The following SNX30 variants were observed in gnomAD, a reference collection of about 807,000 sequenced individuals.
The protein encoded by SNX30 is sorting nexin family member 30.
A neutral mutation model predicts 46.4 loss-of-function variants in SNX30; 24 were observed. The observed-to-expected ratio is 0.52, with a 90% CI of 0.37 to 0.73. SNX30 has a LOEUF of 0.73. Among genes scored for constraint, SNX30 ranks in the 30% least tolerant of loss-of-function variants. SNX30 has a pLI of 0.00. For synonymous variants in SNX30, 189 were observed against 211.5 expected (o/e 0.89, Z 0.92); for missense variants, 533 against 555.7 (o/e 0.96, Z 0.41).
intron 1 of SNX30, among the ~76,000 whole-genome samples, chr9:112,791,635 C>T (rs1840025664): frequency 6.6e-6 from 1 of 151,898 alleles, no homozygotes; most frequent in Non-Finnish European, 1.5e-5. Context: ...TGGTTTCAAT[C>T]TTTGACCTCG....
downstream of SNX30, chr9:112,885,392 T>C (rs1286886068): frequency 6.6e-6 from 1 of 151,434 alleles, no homozygotes; most frequent in African/African-American, 2.4e-5. Context: ...CAAATCTATA[T>C]CAAATCCTGT....
intron 1 of SNX30, among the ~76,000 whole-genome samples, chr9:112,758,921 A>G (rs538290069): frequency 1.3e-5 from 2 of 152,204 alleles, no homozygotes; most frequent in South Asian, 4.2e-4. Context: ...CCCGGGCAAT[A>G]TAGTGAGAAC....
intron 4 of SNX30, among the ~76,000 whole-genome samples, chr9:112,834,859 CACACACACACACACACACACACA>C (rs752512760): frequency 3.5e-5 from 5 of 144,578 alleles, no homozygotes; most frequent in Non-Finnish European, 4.5e-5. Flanking sequence ...CACACACACA[CACACACACACACACACACACACA>C]CCTACCTCAA....
At chr9:112,797,230 C>T (rs1840120868) in intron 1 of SNX30, among the ~76,000 whole-genome samples, 1 of 152,174 alleles carries the variant, frequency 6.6e-6, no homozygotes, top group Non-Finnish European at 1.5e-5. Flanking sequence ...GGCTTCTTAC[C>T]AAGACCAAAG....
At chr9:112,814,184 G>A (rs2131416248) in intron 2 of SNX30, among the ~76,000 whole-genome samples, 1 of 152,308 alleles carries the variant, frequency 6.6e-6, no homozygotes, top group East Asian at 1.9e-4. Context: ...ATTATGATAG[G>A]CAAATGGTAA....
chr9:112,773,243 A>G (rs1489764189), intron 1 of SNX30, among the ~76,000 whole-genome samples: 1 of 152,192 alleles, frequency 6.6e-6, no homozygotes, highest in African/African-American at 2.4e-5. Flanking sequence ...TCCCATCCAT[A>G]AAATGGGGTT....
chr9:112,754,564 C>A (rs1387147383), intron 1 of SNX30, among the ~76,000 whole-genome samples: 1 of 151,996 alleles, frequency 6.6e-6, no homozygotes, highest in Non-Finnish European at 1.5e-5. Context: ...TGCCACCACA[C>A]CTGGCTAATT....
intron 8 of SNX30, among the ~76,000 whole-genome samples, chr9:112,864,691 C>A (rs1841291111): frequency 1.3e-5 from 2 of 152,094 alleles, no homozygotes; most frequent in Non-Finnish European, 2.9e-5. Flanking sequence ...GCCAGTCAGA[C>A]CTTCAGCACA....
chr9:112,883,705 T>C (rs898960536), downstream of SNX30, among the ~76,000 whole-genome samples: 9 of 149,864 alleles, frequency 6.0e-5, no homozygotes, highest in Non-Finnish European at 1.3e-4. Flanking sequence ...CTTTTCTTTT[T>C]TTTTTTTTTT....
chr9:112,785,240 T>G (rs1168116264), intron 1 of SNX30, among the ~76,000 whole-genome samples: 1 of 152,084 alleles, frequency 6.6e-6, no homozygotes, highest in Non-Finnish European at 1.5e-5. Context: ...TTTTGAGACA[T>G]GACCTCACTC....
chr9:112,796,358 A>G (rs1158564069), intron 1 of SNX30, among the ~76,000 whole-genome samples: 3 of 152,256 alleles, frequency 2.0e-5, no homozygotes, highest in Non-Finnish European at 4.4e-5. Flanking sequence ...TAACCAAGAC[A>G]TGATGTTTAT....
intron 7 of SNX30, among the ~76,000 whole-genome samples, chr9:112,862,555 T>C (rs1308052792): frequency 6.6e-6 from 1 of 152,062 alleles, no homozygotes; most frequent in Non-Finnish European, 1.5e-5. Context: ...CCAATAGTAA[T>C]GGGTGGTCTT....
chr9:112,768,539 A>C (rs1839583134), intron 1 of SNX30, among the ~76,000 whole-genome samples: 1 of 151,942 alleles, frequency 6.6e-6, no homozygotes, highest in Non-Finnish European at 1.5e-5. Flanking sequence ...AAGATCTCTT[A>C]GACAATACTG....
At chr9:112,862,146 A>G (rs556772433) in intron 7 of SNX30, among the ~76,000 whole-genome samples, 2 of 152,108 alleles carry the variant, frequency 1.3e-5, no homozygotes, top group Non-Finnish European at 2.9e-5. Context: ...TTAGACCCTG[A>G]TTTTTCTGGG....
intron 1 of SNX30, among the ~76,000 whole-genome samples, chr9:112,768,647 C>G: frequency 1.6e-5 from 1 of 64,358 alleles, no homozygotes; most frequent in African/African-American, 5.3e-5. Context: ...ATTCTTTCTT[C>G]TTTTTTTTTT....
chr9:112,865,624 CATATATATATATAT>C lies in SNX30; in HGVS notation c.1254+1250_1254+1263del, dbSNP rs796986603. Among the ~76,000 whole-genome samples, 279 of 79,006 alleles carry C rather than the reference CATATATATATATAT, an allele frequency of 3.5e-3. 7 individuals are homozygous for C. The highest frequency in any genetic ancestry group is 0.014 in the African/African-American group (242 of 17,498). The allele number at this position is 79,006 out of a possible 152,430, so 51.8% of individuals were successfully genotyped here. Reference sequence around the variant, plus strand: ...ACAGAGTTTTTTGATCCTGTCACGCCATATATATATATATATATATATATATATATATATATATG... The same window carrying C: ...ACAGAGTTTTTTGATCCTGTCACGCCATATATATATATATATATATATATG... On this transcript the variant is annotated intron_variant, in intron 8 of 8. Transcript: ENST00000374232.
rs1360951477 is a variant in SNX30, at chr9:112,870,250, T to C, written c.*1407T>C. 1 of 152,180 alleles carries C rather than the reference T, an allele frequency of 6.6e-6. No individual in the cohort carries two copies. The highest frequency in any genetic ancestry group is 1.5e-5 in the Non-Finnish European group (1 of 68,026). 9.4% of individuals were successfully genotyped at this position (152,180 alleles called of 1,614,324 possible). A position where few individuals can be genotyped will look rare whatever the true frequency, so the allele number is the denominator to read the frequency against. ...TGGCTCATCCCTGTAAAACTACGAA[T>C]CTGAGCCTCAAATAAGCAGTAGTTT... On this transcript the variant is annotated 3_prime_UTR_variant, in exon 9 of 9. Coordinates refer to ENST00000374232, the MANE Select transcript of SNX30 (RefSeq NM_001012994.2).
At chr9:112,751,702 G>A (rs1479424515) in intron 1 of SNX30, among the ~76,000 whole-genome samples, 1 of 152,158 alleles carries the variant, frequency 6.6e-6, no homozygotes, top group Non-Finnish European at 1.5e-5. Context: ...GACCCCAGCC[G>A]GCGGCGGGAG....
At chr9:112,851,165 T>G (rs1841019040) in intron 7 of SNX30, among the ~76,000 whole-genome samples, 1 of 152,158 alleles carries the variant, frequency 6.6e-6, no homozygotes, top group Admixed American at 6.5e-5. Flanking sequence ...TAATTTTTGG[T>G]TTTTTAAAGA....
Sources: allele counts gnomAD v4.1 joint callset (sites outside exome capture counted in the v4.1 genomes callset), GRCh38; gene constraint gnomAD v4.1.1; transcripts MANE v1.5; gene names NCBI Gene and HGNC (gene_info 2026-07-23, HGNC 2026-07-21).